Variants in LPCAT2 observed in about 807,000 individuals in gnomAD.
LPCAT2 encodes lysophosphatidylcholine acyltransferase 2, also known as 1-AGP acyltransferase 11.
LPCAT2 carries 58 observed loss-of-function variants against 64.7 expected under a neutral mutation model. That is an observed-to-expected ratio of 0.90 (90% CI 0.73 to 1.12). LPCAT2 has a LOEUF of 1.12. Among genes scored for constraint, LPCAT2 ranks in the 50% most tolerant of loss-of-function variants. The probability of loss-of-function intolerance (pLI) is 0.00; values close to 1 mark genes in which losing one functional copy is unlikely to be tolerated. For synonymous variants in LPCAT2, 252 were observed against 245.3 expected (o/e 1.03, Z -0.26); for missense variants, 579 against 669.8 (o/e 0.86, Z 1.50).
rs960660332 is a variant in LPCAT2 at position 55,517,486 on chromosome 16, A to G, written c.172-8022A>G. On this transcript the variant is annotated intron_variant, in intron 1 of 13. Coordinates refer to ENST00000262134, the MANE Select transcript of LPCAT2 (RefSeq NM_017839.5). ...AAGAAGATGGAGCACTCCCCAACTC[A>G]TTCTGTGAGGCCAGGCCTACTCTGA... is the stretch of plus-strand genomic sequence containing the variant. Among the ~76,000 whole-genome samples, 5 of 152,176 alleles carry G rather than the reference A, an allele frequency of 3.3e-5. 1 individual carries two copies. The South Asian group carries it at 1.0e-3, about 32-fold the overall frequency.
At chr16:55,532,939 T>C in intron 6 of LPCAT2, 57 bp downstream of exon 6, 1 of 1,376,122 alleles carries the variant, frequency 7.3e-7, no homozygotes, top group Admixed American at 1.7e-5. Flanking sequence ...GCACAGATTC[T>C]CTGGGACCCC....
At chr16:55,573,872 C>T (rs1963798007) in intron 11 of LPCAT2, among the ~76,000 whole-genome samples, 1 of 152,002 alleles carries the variant, frequency 6.6e-6, no homozygotes, top group Non-Finnish European at 1.5e-5. Flanking sequence ...CCTAAGCTTT[C>T]TTCTCTCCAT....
intron 1 of LPCAT2, among the ~76,000 whole-genome samples, chr16:55,517,621 A>G (rs1225253942): frequency 2.0e-5 from 3 of 152,176 alleles, no homozygotes; most frequent in African/African-American, 7.2e-5. Context: ...GAATCCAGCA[A>G]CTAATAAAAG....
chr16:55,555,493 A>G (rs1460599317), intron 11 of LPCAT2, among the ~76,000 whole-genome samples: 1 of 152,218 alleles, frequency 6.6e-6, no homozygotes, highest in African/African-American at 2.4e-5. Flanking sequence ...CAACAGTTCC[A>G]GTTTTATATT....
At chr16:55,554,403 A>G (rs910101740) in intron 11 of LPCAT2, among the ~76,000 whole-genome samples, 2 of 152,174 alleles carry the variant, frequency 1.3e-5, no homozygotes, top group African/African-American at 4.8e-5. Context: ...TTATGGAGAC[A>G]ACTTCTTTTC....
intron 1 of LPCAT2, among the ~76,000 whole-genome samples, chr16:55,513,839 C>CTT (rs1962969067): frequency 6.6e-6 from 1 of 152,118 alleles, no homozygotes; most frequent in East Asian, 1.9e-4. Context: ...ATTGGGAAGA[C>CTT]TGTCTTTATT....
chr16:55,565,917 T>C (rs1387115695), intron 11 of LPCAT2, among the ~76,000 whole-genome samples: 1 of 152,112 alleles, frequency 6.6e-6, no homozygotes, highest in African/African-American at 2.4e-5. Flanking sequence ...AAGGAATAAA[T>C]GAAAGAGTCT....
intron 13 of LPCAT2, among the ~76,000 whole-genome samples, chr16:55,582,177 C>G (rs1963893916): frequency 6.6e-6 from 1 of 151,940 alleles, no homozygotes; most frequent in East Asian, 1.9e-4. Context: ...AAGTGAACAC[C>G]CATGTAACTA....
chr16:55,513,229 G>A (rs141450962), intron 1 of LPCAT2, among the ~76,000 whole-genome samples: 377 of 152,260 alleles, frequency 2.5e-3, no homozygotes, highest in Admixed American at 5.9e-3. Context: ...GTAAAGAATG[G>A]CATAATGAAT....
At chr16:55,523,771 G>T (rs1216247086) in intron 1 of LPCAT2, among the ~76,000 whole-genome samples, 2 of 151,846 alleles carry the variant, frequency 1.3e-5, no homozygotes, top group African/African-American at 4.8e-5. Flanking sequence ...TTTGGGGAGG[G>T]TGTAGTAATT....
rs543960161 is a variant in LPCAT2, at chr16:55,537,785, A to G, written c.852+153A>G. 1.4e-3 allele frequency among the ~76,000 whole-genome samples: 219 copies of G among 152,240 alleles called. 1 individual carries two copies. The highest frequency in any genetic ancestry group is 5.2e-3 in the African/African-American group (214 of 41,510). ...TAGGCTGTCAGATTTAGCCCTTGAA[A>G]TCATGTTAGAAAACACCTCTAGATT... On this transcript the variant is annotated intron_variant, in intron 8 of 13. Coordinates refer to ENST00000262134, the MANE Select transcript of LPCAT2 (RefSeq NM_017839.5).
intron 9 of LPCAT2, among the ~76,000 whole-genome samples, chr16:55,546,245 C>T (rs1963452462): frequency 6.6e-6 from 1 of 152,108 alleles, no homozygotes; most frequent in South Asian, 2.1e-4. Flanking sequence ...GAAAAAGTCA[C>T]CTCTTCATGG....
chr16:55,523,918 T>G (rs1298996956), intron 1 of LPCAT2, among the ~76,000 whole-genome samples: 1 of 151,888 alleles, frequency 6.6e-6, no homozygotes, highest in Non-Finnish European at 1.5e-5. Context: ...ACATTGTACC[T>G]TAATAAAGTT....
intron 1 of LPCAT2, among the ~76,000 whole-genome samples, chr16:55,513,925 G>A (rs1236146152): frequency 2.0e-5 from 3 of 152,156 alleles, no homozygotes; most frequent in Non-Finnish European, 4.4e-5. Flanking sequence ...AGAGGAAAGC[G>A]AGTGCAGTGG....
At chr16:55,578,778 GA>G (rs1158493640) in intron 12 of LPCAT2, among the ~76,000 whole-genome samples, 1 of 152,076 alleles carries the variant, frequency 6.6e-6, no homozygotes, top group Non-Finnish European at 1.5e-5. Flanking sequence ...TATATTCTGG[GA>G]ACTTTTCTTC....
chr16:55,548,067 C>CA (rs1288355693), intron 9 of LPCAT2, among the ~76,000 whole-genome samples: 3 of 150,970 alleles, frequency 2.0e-5, no homozygotes, highest in Non-Finnish European at 4.4e-5. Flanking sequence ...CGCACCTGGC[C>CA]AAAAAAAATG....
intron 1 of LPCAT2, among the ~76,000 whole-genome samples, chr16:55,514,890 TTG>T (rs35295405): frequency 0.059 from 8,394 of 141,116 alleles, 336 homozygotes; most frequent in African/African-American, 0.12. Flanking sequence ...ATGCAATGCA[TTG>T]TGTGTGTGTG....
At chr16:55,551,950 A>G (rs551021494) in intron 11 of LPCAT2, among the ~76,000 whole-genome samples, 9 of 152,016 alleles carry the variant, frequency 5.9e-5, no homozygotes, top group Non-Finnish European at 1.2e-4. Flanking sequence ...CCTATTCTCA[A>G]AAAAAAATTG....
At position 55,509,280 on chromosome 16, in the gene LPCAT2, G is replaced by A. The variant is rs774286349; in HGVS notation, c.99G>A (p.Ala33=). The part of the protein sequence containing the change: ...GLRPPMVPRQ[A]SFFPPPVPNP... ...GGCCGCCCATGGTGCCCCGTCAGGC[G>A]TCCTTCTTCCCGCCGCCGGTGCCGA... is the stretch of plus-strand genomic sequence containing the variant. Residue 33 remains alanine, a synonymous_variant, in exon 1 of 14, where the codon GCG becomes GCA. Coordinates refer to ENST00000262134, the MANE Select transcript of LPCAT2 (RefSeq NM_017839.5). 7.3e-6 allele frequency: 11 copies of A among 1,513,692 alleles called. No homozygotes were observed. The highest frequency in any genetic ancestry group is 9.8e-6 in the Non-Finnish European group (11 of 1,123,590). 93.8% of individuals were successfully genotyped at this position (1,513,692 alleles called of 1,614,324 possible). A position where few individuals can be genotyped will look rare whatever the true frequency, so the allele number is the denominator to read the frequency against.
Sources: gnomAD v4.1 joint callset for allele counts (sites outside exome capture counted in the v4.1 genomes callset) on GRCh38, gnomAD v4.1.1 for gene constraint, MANE v1.5 for transcripts, NCBI Gene and HGNC (gene_info 2026-07-23, HGNC 2026-07-21) for gene names.